The following GMDS variants were observed in gnomAD, a reference collection of about 807,000 sequenced individuals.
The protein encoded by GMDS is GDP-mannose 4,6-dehydratase, also known as GDP-mannose 4,6 dehydratase.
A neutral mutation model predicts 49.9 loss-of-function variants in GMDS; 20 were observed. The observed-to-expected ratio is 0.40, with a 90% CI of 0.28 to 0.58. The LOEUF (loss-of-function observed/expected upper bound fraction) is 0.58. Among genes scored for constraint, GMDS ranks in the 20% least tolerant of loss-of-function variants. GMDS has a pLI of 0.42. For synonymous variants in GMDS, 177 were observed against 178.6 expected, an observed-to-expected ratio of 0.99 and a Z score of 0.07; for missense variants, 362 against 481.4, an observed-to-expected ratio of 0.75 and a Z score of 2.32.
intron 7 of GMDS, among the ~76,000 whole-genome samples, chr6:1,911,073 G>A (rs563301765): frequency 6.6e-6 from 1 of 152,294 alleles, no homozygotes; most frequent in South Asian, 2.1e-4. Flanking sequence ...TAGTTCTGAA[G>A]CATTTCGAAA....
chr6:1,658,765 C>A (rs546078029), intron 9 of GMDS, among the ~76,000 whole-genome samples: 4 of 152,372 alleles, frequency 2.6e-5, no homozygotes, highest in Admixed American at 2.6e-4. Context: ...CTGAGGCACA[C>A]GCTTGGGAAG....
chr6:2,132,344 G>A (rs753197569), intron 1 of GMDS, among the ~76,000 whole-genome samples: 1 of 152,118 alleles, frequency 6.6e-6, no homozygotes, highest in Non-Finnish European at 1.5e-5. Flanking sequence ...TGGACCATAG[G>A]TGTTATGGGA....
At chr6:1,993,167 T>C (rs1316477645) in intron 4 of GMDS, among the ~76,000 whole-genome samples, 1 of 151,996 alleles carries the variant, frequency 6.6e-6, no homozygotes, top group Non-Finnish European at 1.5e-5. Context: ...CAGCCCACAC[T>C]GCACTGTATA....
intron 1 of GMDS, among the ~76,000 whole-genome samples, chr6:2,211,661 AT>A: frequency 6.6e-6 from 1 of 152,270 alleles, no homozygotes; most frequent in South Asian, 2.1e-4. Flanking sequence ...ACTAGAAAAA[AT>A]TTTTTAACTC....
At position 2,013,925 on chromosome 6, in the gene GMDS, C is replaced by CATATATATATATAT. The variant is rs10523956; in HGVS notation, c.346-52973_346-52960dup. On this transcript the variant is annotated intron_variant, in intron 4 of 10. Coordinates refer to ENST00000380815, the MANE Select transcript of GMDS (RefSeq NM_001500.4). ...AGAGAACACCAGAGAGGATAAAAAC[C>CATATATATATATAT]ATATATATATATATATATATATATA... 3.6e-3 allele frequency among the ~76,000 whole-genome samples: 448 copies of CATATATATATATAT among 124,648 alleles called. 3 individuals are homozygous for CATATATATATATAT. The highest frequency in any genetic ancestry group is 7.2e-3 in the African/African-American group (202 of 28,220). The allele number at this position is 124,648 out of a possible 152,430, so 81.8% of individuals were successfully genotyped here.
At chr6:2,094,391 A>G (rs923163153) in intron 4 of GMDS, among the ~76,000 whole-genome samples, 3 of 152,248 alleles carry the variant, frequency 2.0e-5, no homozygotes, top group African/African-American at 7.2e-5. Flanking sequence ...GCACAAGGAA[A>G]TATAGCTAAG....
At chr6:2,197,075 A>G (rs929536386) in intron 1 of GMDS, among the ~76,000 whole-genome samples, 2 of 152,240 alleles carry the variant, frequency 1.3e-5, no homozygotes, top group Non-Finnish European at 2.9e-5. Flanking sequence ...AACTTCCTCA[A>G]TTTAAGTTTC....
intron 6 of GMDS, among the ~76,000 whole-genome samples, chr6:1,956,098 T>C (rs1002737077): frequency 3.3e-5 from 5 of 152,214 alleles, no homozygotes; most frequent in African/African-American, 1.2e-4. Flanking sequence ...TTAACATTTA[T>C]AGGAAATCTT....
intron 1 of GMDS, among the ~76,000 whole-genome samples, chr6:2,200,293 T>C (rs1338125922): frequency 6.6e-6 from 1 of 151,938 alleles, no homozygotes; most frequent in Admixed American, 6.6e-5. Flanking sequence ...GAAGATGACA[T>C]GTTAGCAGAG....
At chr6:2,243,734 C>A (rs765092213) in intron 1 of GMDS, among the ~76,000 whole-genome samples, 1 of 151,186 alleles carries the variant, frequency 6.6e-6, no homozygotes, top group Non-Finnish European at 1.5e-5. Flanking sequence ...ATTATGATTA[C>A]CTTAAGCAAA....
At chr6:1,789,552 T>C (rs1264466222) in intron 7 of GMDS, among the ~76,000 whole-genome samples, 5 of 142,736 alleles carry the variant, frequency 3.5e-5, no homozygotes, top group Non-Finnish European at 6.1e-5. Context: ...TTTTTTTTTT[T>C]CCTGACAGGC....
intron 9 of GMDS, among the ~76,000 whole-genome samples, chr6:1,683,059 C>G (rs541497370): frequency 6.6e-6 from 1 of 152,128 alleles, no homozygotes; most frequent in Non-Finnish European, 1.5e-5. Context: ...ATGCCGACGT[C>G]GACATCCTGT....
At chr6:2,181,202 T>C (rs868346914) in intron 1 of GMDS, among the ~76,000 whole-genome samples, 30 of 141,000 alleles carry the variant, frequency 2.1e-4, no homozygotes, top group African/African-American at 7.7e-4. Flanking sequence ...AAAAGACAGA[T>C]CGATGAAATT....
chr6:1,937,663 A>G (rs1272899681), intron 6 of GMDS, among the ~76,000 whole-genome samples: 1 of 152,202 alleles, frequency 6.6e-6, no homozygotes, highest in African/African-American at 2.4e-5. Flanking sequence ...ATGTGTGTCT[A>G]TGTCTCTGGC....
chr6:1,624,755 G>A (rs2113132912), intron 9 of GMDS: 1 of 527,400 alleles, frequency 1.9e-6, no homozygotes, highest in Non-Finnish European at 3.4e-6. Context: ...GACCCGTGAG[G>A]ACCGTGACCG....
At chr6:1,653,963 A>G (rs996929193) in intron 9 of GMDS, among the ~76,000 whole-genome samples, 1 of 152,004 alleles carries the variant, frequency 6.6e-6, no homozygotes, top group East Asian at 2.0e-4. Context: ...CCTACAACTT[A>G]ACAACAACAA....
At chr6:1,771,474 G>C (rs563807545) in intron 7 of GMDS, among the ~76,000 whole-genome samples, 53 of 152,312 alleles carry the variant, frequency 3.5e-4, no homozygotes, top group Non-Finnish European at 6.0e-4. Context: ...GAAAAGGAGT[G>C]TGAAGTGCCT....
chr6:1,783,851 G>A (rs551898524), intron 7 of GMDS, among the ~76,000 whole-genome samples: 3 of 152,108 alleles, frequency 2.0e-5, no homozygotes, highest in Non-Finnish European at 2.9e-5. Context: ...TTTGTACTTA[G>A]TGACAGAAAC....
At chr6:2,203,422 C>T (rs777049673) in intron 1 of GMDS, among the ~76,000 whole-genome samples, 2 of 152,116 alleles carry the variant, frequency 1.3e-5, no homozygotes, top group Non-Finnish European at 2.9e-5. Flanking sequence ...GAGTCAGCAG[C>T]TGAGAGTCTT....
Sources: allele counts gnomAD v4.1 joint callset (sites outside exome capture counted in the v4.1 genomes callset), GRCh38; gene constraint gnomAD v4.1.1; transcripts MANE v1.5; gene names NCBI Gene and HGNC (gene_info 2026-07-23, HGNC 2026-07-21).